The following PHACTR1 variants were observed in gnomAD, a reference collection of about 807,000 sequenced individuals.
PHACTR1 encodes the protein RPEL repeat containing 1.
In PHACTR1, 16 loss-of-function variants were observed where a neutral mutation model predicts 69.2. The observed-to-expected ratio is 0.23, with a 90% CI of 0.16 to 0.35. PHACTR1 has a LOEUF of 0.35. Among genes scored for constraint, PHACTR1 ranks in the 10% least tolerant of loss-of-function variants. PHACTR1 has a pLI of 1.00. For missense variants in PHACTR1, 510 were observed against 734.7 expected, an observed-to-expected ratio of 0.69 and a Z score of 3.54; for synonymous variants, 312 against 284.5, an observed-to-expected ratio of 1.10 and a Z score of -0.97.
intron 7 of PHACTR1, among the ~76,000 whole-genome samples, chr6:13,192,343 C>G (rs1181009892): frequency 6.6e-6 from 1 of 152,126 alleles, no homozygotes; most frequent in African/African-American, 2.4e-5. Flanking sequence ...GGAGGTTGTT[C>G]TTAAACAAGA....
intron 4 of PHACTR1, among the ~76,000 whole-genome samples, chr6:12,914,833 GAACTGGGACCCCTCCT>G (rs1786795889): frequency 6.6e-6 from 1 of 152,168 alleles, no homozygotes; most frequent in Non-Finnish European, 1.5e-5. Flanking sequence ...GACAAATTTG[GAACTGGGACCCCTCCT>G]AAGGACTGAG....
chr6:12,727,798 CA>C (rs1216340997), intron 3 of PHACTR1, among the ~76,000 whole-genome samples: 9 of 152,302 alleles, frequency 5.9e-5, no homozygotes, highest in Admixed American at 1.3e-4. Flanking sequence ...CCTAACACTT[CA>C]AAATCAGCCC....
intron 5 of PHACTR1, among the ~76,000 whole-genome samples, chr6:13,079,159 T>G (rs1810993526): frequency 6.6e-6 from 1 of 152,150 alleles, no homozygotes; most frequent in Non-Finnish European, 1.5e-5. Flanking sequence ...AAAACACATT[T>G]GAATCATGAT....
chr6:13,118,588 T>C (rs1818176751), intron 5 of PHACTR1, among the ~76,000 whole-genome samples: 1 of 151,290 alleles, frequency 6.6e-6, no homozygotes, highest in African/African-American at 2.4e-5. Flanking sequence ...AAGCTATTCT[T>C]CTGCCTCAGC....
chr6:13,005,081 A>AATGATAC (rs1285282935), intron 4 of PHACTR1, among the ~76,000 whole-genome samples: 2 of 151,856 alleles, frequency 1.3e-5, no homozygotes, highest in Non-Finnish European at 2.9e-5. Flanking sequence ...AAGCTCACTA[A>AATGATAC]ATGATACATC....
chr6:12,935,397 C>A (rs911972990), intron 4 of PHACTR1, among the ~76,000 whole-genome samples: 1 of 152,080 alleles, frequency 6.6e-6, no homozygotes, highest in African/African-American at 2.4e-5. Context: ...GCGCCCAACA[C>A]CACACCCAGC....
intron 5 of PHACTR1, among the ~76,000 whole-genome samples, chr6:13,080,874 A>T (rs1010918786): frequency 5.9e-5 from 9 of 152,310 alleles, no homozygotes; most frequent in South Asian, 4.1e-4. Context: ...AAAAGAAAAA[A>T]AAAGTTTTTA....
chr6:13,167,297 T>G (rs9463488), intron 6 of PHACTR1, among the ~76,000 whole-genome samples: 10,003 of 152,246 alleles, frequency 0.066, 813 homozygotes, highest in African/African-American at 0.18. Flanking sequence ...ACAGTGGTGA[T>G]TGTGCTATTT....
At chr6:13,263,178 T>C (rs941518192) in intron 10 of PHACTR1, among the ~76,000 whole-genome samples, 48 of 151,860 alleles carry the variant, frequency 3.2e-4, no homozygotes, top group African/African-American at 1.1e-3. Context: ...CACTACATTC[T>C]CTACCAGTCT....
rs142777286 is a variant in PHACTR1 at position 13,130,118 on chromosome 6, A to C, written c.416-30086A>C. Among the ~76,000 whole-genome samples the C allele has an allele frequency of 4.4e-4, 67 of 152,300 alleles. No homozygotes were observed. In the East Asian group the frequency reaches 0.013, roughly 28 times the overall value. On this transcript the variant is annotated intron_variant, in intron 5 of 14. Transcript: ENST00000332995. Reference sequence around the variant, plus strand: ...TTCTTTGAGCTGAACAATAATAGTGACACAATTTACCAAAACCTCTAGGCT... The same window carrying C: ...TTCTTTGAGCTGAACAATAATAGTGCCACAATTTACCAAAACCTCTAGGCT...
intron 4 of PHACTR1, among the ~76,000 whole-genome samples, chr6:12,985,881 G>A: frequency 6.6e-6 from 1 of 151,364 alleles, no homozygotes; most frequent in East Asian, 1.9e-4. Context: ...TGTTGCCCAG[G>A]CTGGAGTGCA....
chr6:13,250,787 T>TTGGGCGCAAGACAGGTC (rs778702972), intron 10 of PHACTR1, among the ~76,000 whole-genome samples: 12 of 152,278 alleles, frequency 7.9e-5, no homozygotes, highest in African/African-American at 2.4e-4. Flanking sequence ...ACATGACTCC[T>TTGGGCGCAAGACAGGTC]TGGGCGCAAG....
At chr6:12,784,512 C>T (rs1027174289) in intron 4 of PHACTR1, among the ~76,000 whole-genome samples, 1 of 151,344 alleles carries the variant, frequency 6.6e-6, no homozygotes, top group Non-Finnish European at 1.5e-5. Flanking sequence ...ACATATGTAT[C>T]TAGACACACA....
chr6:12,966,644 GTTC>G (rs772302153), intron 4 of PHACTR1, among the ~76,000 whole-genome samples: 2 of 152,052 alleles, frequency 1.3e-5, no homozygotes, highest in Non-Finnish European at 2.9e-5. Context: ...CAGGAAGGTT[GTTC>G]TTCTCTTCTG....
chr6:13,026,329 C>T (rs1393180899), intron 4 of PHACTR1, among the ~76,000 whole-genome samples: 3 of 152,160 alleles, frequency 2.0e-5, no homozygotes, highest in African/African-American at 7.2e-5. Flanking sequence ...TTCCAGTAGC[C>T]TCCAAACCAA....
intron 4 of PHACTR1, among the ~76,000 whole-genome samples, chr6:12,769,723 G>A (rs2127623979): frequency 6.6e-6 from 1 of 152,330 alleles, no homozygotes; most frequent in South Asian, 2.1e-4. Flanking sequence ...CCTGCTGGGA[G>A]AAGAGTCACA....
At chr6:13,223,579 G>T (rs1769041738) in intron 8 of PHACTR1, among the ~76,000 whole-genome samples, 3 of 152,196 alleles carry the variant, frequency 2.0e-5, no homozygotes, top group Admixed American at 1.3e-4. Flanking sequence ...GGTACATTTA[G>T]TCAGGTGTGT....
At chr6:13,127,775 T>G (rs1442355095) in intron 5 of PHACTR1, among the ~76,000 whole-genome samples, 1 of 152,198 alleles carries the variant, frequency 6.6e-6, no homozygotes, top group Non-Finnish European at 1.5e-5. Flanking sequence ...CCTTTCTATC[T>G]GTAGTGGAAG....
chr6:12,803,959 T>C (rs1328953993), intron 4 of PHACTR1, among the ~76,000 whole-genome samples: 1 of 152,172 alleles, frequency 6.6e-6, no homozygotes, highest in Non-Finnish European at 1.5e-5. Context: ...AAATTCCAAA[T>C]AGTAACAAAT....
Sources: gnomAD v4.1 joint callset for allele counts (sites outside exome capture counted in the v4.1 genomes callset) on GRCh38, gnomAD v4.1.1 for gene constraint, MANE v1.5 for transcripts, NCBI Gene and HGNC (gene_info 2026-07-23, HGNC 2026-07-21) for gene names.